The following EPYC variants were observed in gnomAD, a reference collection of about 807,000 sequenced individuals.
EPYC encodes the protein epiphycan, also known as dermatan sulfate proteoglycan 3.
A neutral mutation model predicts 30.1 loss-of-function variants in EPYC; 28 were observed. That is an observed-to-expected ratio of 0.93 (90% CI 0.69 to 1.28). The LOEUF is 1.28. Ranked by LOEUF, EPYC falls within the 50% of genes most tolerant of loss-of-function variation. The probability of loss-of-function intolerance (pLI) is 0.00; values close to 1 mark genes in which losing one functional copy is unlikely to be tolerated. For synonymous variants in EPYC, 144 were observed against 141.4 expected, an observed-to-expected ratio of 1.02 and a Z score of -0.13; for missense variants, 382 against 383.5, an observed-to-expected ratio of 1.00 and a Z score of 0.03.
intron 2 of EPYC, among the ~76,000 whole-genome samples, chr12:90,988,307 T>C (rs1480666456): frequency 6.6e-6 from 1 of 152,128 alleles, no homozygotes. Context: ...TATTCTTGAC[T>C]CTAGCTGATT....
At chr12:90,988,032 C>T (rs762305111) in intron 2 of EPYC, among the ~76,000 whole-genome samples, 13 of 151,968 alleles carry the variant, frequency 8.6e-5, no homozygotes, top group Non-Finnish European at 1.6e-4. Flanking sequence ...CCAGGAAATC[C>T]TTGAAGAAAG....
At chr12:90,970,177 C>G in intron 5 of EPYC, 38 bp from the exon 6 acceptor site, 2 of 1,411,868 alleles carry the variant, frequency 1.4e-6, no homozygotes, top group Non-Finnish European at 2.0e-6. Context: ...AATAAAAACT[C>G]AATAAAAACT....
intron 2 of EPYC, among the ~76,000 whole-genome samples, chr12:90,992,327 A>C (rs1267826898): frequency 9.9e-5 from 15 of 152,140 alleles, no homozygotes; most frequent in Admixed American, 9.8e-4. Flanking sequence ...CTTGTTAAGA[A>C]CTGCACAGGC....
chr12:91,002,467 A>G lies in EPYC; in HGVS notation c.99T>C (p.Tyr33=), dbSNP rs375750656. The part of the protein sequence containing the change: ...LESINYDSET[Y]DATLEDLDNL... The stretch of plus-strand genomic sequence containing the variant: ...TATCCAGGTCTTCTAAGGTGGCATC[A>G]TAGGTTTCTGAGTCATAGTTGATGG... Residue 33 remains tyrosine (Y), a synonymous_variant, in exon 2 of 7, where the codon TAT becomes TAC. Transcript: ENST00000261172. 80 of 1,613,236 alleles carry G rather than the reference A, an allele frequency of 5.0e-5. No homozygotes were observed. The highest frequency in any genetic ancestry group is 5.9e-5 in the Non-Finnish European group (70 of 1,179,594).
intron 2 of EPYC, among the ~76,000 whole-genome samples, chr12:90,985,483 A>T (rs1877427493): frequency 6.6e-6 from 1 of 152,066 alleles, no homozygotes; most frequent in Admixed American, 6.6e-5. Context: ...GGTGTTCTAT[A>T]ATAGGGACCA....
Position 90,998,784 on chromosome 12 carries a change from T to C in EPYC, c.165+3617A>G, listed in dbSNP as rs527938026. 3.3e-5 allele frequency among the ~76,000 whole-genome samples: 5 copies of C among 152,244 alleles called. No homozygotes were observed. In the South Asian group the frequency reaches 1.0e-3, roughly 32 times the overall value. On this transcript the variant is annotated intron_variant, in intron 2 of 6. Coordinates refer to ENST00000261172, the MANE Select transcript of EPYC (RefSeq NM_004950.5). ...CTATACCCATTTTTTTAGCCCACAG[T>C]TTCTGTAGGTCAGAAGTTCAGGCCT...
chr12:90,980,101 TAG>T (rs1439992795), intron 2 of EPYC, among the ~76,000 whole-genome samples: 4 of 152,100 alleles, frequency 2.6e-5, no homozygotes, highest in Admixed American at 2.6e-4. Flanking sequence ...AATGGATTTG[TAG>T]AGAGACCAAA....
chr12:90,968,496 G>A (rs942275105), intron 6 of EPYC, among the ~76,000 whole-genome samples: 28 of 152,200 alleles, frequency 1.8e-4, no homozygotes, highest in African/African-American at 6.5e-4. Flanking sequence ...AATAAAAAAG[G>A]GGATTTATTT....
At chr12:90,983,587 G>A (rs547752270) in intron 2 of EPYC, among the ~76,000 whole-genome samples, 1 of 152,164 alleles carries the variant, frequency 6.6e-6, no homozygotes, top group African/African-American at 2.4e-5. Context: ...CAGCTCCGGG[G>A]TCCCAACAAA....
At chr12:90,987,874 C>T (rs1204332918) in intron 2 of EPYC, among the ~76,000 whole-genome samples, 1 of 152,094 alleles carries the variant, frequency 6.6e-6, no homozygotes, top group African/African-American at 2.4e-5. Context: ...AGTCTTCACA[C>T]CTAGGTTTCT....
chr12:90,992,600 C>G (rs1203079101), intron 2 of EPYC, among the ~76,000 whole-genome samples: 3 of 152,154 alleles, frequency 2.0e-5, no homozygotes, highest in African/African-American at 7.2e-5. Context: ...TTCAAATATT[C>G]AGAAAGAAAG....
At chr12:90,983,812 C>G (rs1877382287) in intron 2 of EPYC, among the ~76,000 whole-genome samples, 1 of 152,062 alleles carries the variant, frequency 6.6e-6, no homozygotes, top group Admixed American at 6.6e-5. Context: ...AGAATGATTT[C>G]TAGCATAAAT....
chr12:90,973,273 A>C (rs1008037305), intron 3 of EPYC, among the ~76,000 whole-genome samples: 4 of 152,180 alleles, frequency 2.6e-5, no homozygotes, highest in African/African-American at 9.6e-5. Flanking sequence ...ATAAAGTTAA[A>C]ATATCACATG....
At chr12:90,991,945 T>A (rs966711051) in intron 2 of EPYC, among the ~76,000 whole-genome samples, 2 of 152,158 alleles carry the variant, frequency 1.3e-5, no homozygotes, top group African/African-American at 4.8e-5. Flanking sequence ...GGTAAGTTTT[T>A]TACTAGGCTC....
At chr12:90,994,969 C>A (rs1044894287) in intron 2 of EPYC, among the ~76,000 whole-genome samples, 3 of 152,066 alleles carry the variant, frequency 2.0e-5, no homozygotes, top group African/African-American at 7.2e-5. Flanking sequence ...CAACAATTGA[C>A]TTCTAAAGGC....
chr12:90,980,100 G>C (rs1204620017), intron 2 of EPYC, among the ~76,000 whole-genome samples: 1 of 152,124 alleles, frequency 6.6e-6, no homozygotes, highest in African/African-American at 2.4e-5. Context: ...GAATGGATTT[G>C]TAGAGAGACC....
At chr12:90,982,495 C>T (rs1412571275) in intron 2 of EPYC, among the ~76,000 whole-genome samples, 2 of 152,094 alleles carry the variant, frequency 1.3e-5, no homozygotes, top group Non-Finnish European at 2.9e-5. Context: ...TGGCCCCAGG[C>T]AATCACTTAC....
chr12:90,991,395 A>G (rs1040847424), intron 2 of EPYC, among the ~76,000 whole-genome samples: 1 of 152,064 alleles, frequency 6.6e-6, no homozygotes, highest in African/African-American at 2.4e-5. Flanking sequence ...TGAAGTCCCA[A>G]TTCTGGCTTA....
intron 2 of EPYC, among the ~76,000 whole-genome samples, chr12:90,986,567 C>T (rs970800399): frequency 6.6e-6 from 1 of 152,104 alleles, no homozygotes; most frequent in South Asian, 2.1e-4. Flanking sequence ...CATTTGTCCT[C>T]TATGAACCCT....
Sources: allele counts gnomAD v4.1 joint callset (sites outside exome capture counted in the v4.1 genomes callset), GRCh38; gene constraint gnomAD v4.1.1; transcripts MANE v1.5; gene names NCBI Gene and HGNC (gene_info 2026-07-23, HGNC 2026-07-21).